CRYBG1: variants seen among roughly 807,000 people sequenced by gnomAD.
CRYBG1 encodes crystallin beta-gamma domain containing 1.
In CRYBG1, 139 loss-of-function variants were observed where a neutral mutation model predicts 189.2. The ratio of observed to expected loss-of-function variants is 0.73; its 90% confidence interval spans 0.64 to 0.85. CRYBG1 has a LOEUF of 0.85. CRYBG1 is among the 40% of genes least tolerant of loss of function. The pLI is 0.00. For missense variants in CRYBG1, 2,611 were observed against 2,675.8 expected (o/e 0.98, Z 0.53); for synonymous variants, 1,023 against 1,017.1 (o/e 1.01, Z -0.11).
At chr6:106,535,352 G>C (rs568261224) in intron 8 of CRYBG1, among the ~76,000 whole-genome samples, 18 of 152,266 alleles carry the variant, frequency 1.2e-4, no homozygotes, top group African/African-American at 4.1e-4. Flanking sequence ...ATACAGAAAA[G>C]TAGGAAGAAT....
chr6:106,568,136 C>T lies in CRYBG1; in HGVS notation c.6302-336C>T, dbSNP rs926964768. ...TCTCTTTACTCCTTTTCCCTTCTCT[C>T]GGGTTTTCCCAGTTCCCTTGAATTT... On this transcript the variant is annotated intron_variant, in intron 21 of 21. Transcript: ENST00000633556. Among the ~76,000 whole-genome samples the T allele has an allele frequency of 4.1e-5, 6 of 147,726 alleles. No homozygotes were observed. In the South Asian group the frequency reaches 8.5e-4, roughly 21 times the overall value.
intron 1 of CRYBG1, among the ~76,000 whole-genome samples, chr6:106,447,576 A>ATAT (rs1582767774): frequency 1.4e-5 from 2 of 145,648 alleles, no homozygotes; most frequent in East Asian, 2.0e-4. Flanking sequence ...ATATATATCT[A>ATAT]CTATGTACCC....
At chr6:106,422,338 T>TTATTTATTTATTTATTTATTTATG (rs998311743) in intron 1 of CRYBG1, among the ~76,000 whole-genome samples, 51 of 123,302 alleles carry the variant, frequency 4.1e-4, no homozygotes, top group African/African-American at 1.5e-3. Flanking sequence ...ATTTATTTAT[T>TTATTTATTTATTTATTTATTTATG]TATTTATTTT....
At chr6:106,458,117 T>C (rs949374360) in intron 2 of CRYBG1, among the ~76,000 whole-genome samples, 1 of 152,266 alleles carries the variant, frequency 6.6e-6, no homozygotes, top group African/African-American at 2.4e-5. Flanking sequence ...AGAAATTTTC[T>C]GAAGACGGAG....
intron 2 of CRYBG1, among the ~76,000 whole-genome samples, chr6:106,483,143 C>T (rs1772506432): frequency 6.6e-6 from 1 of 152,042 alleles, no homozygotes; most frequent in Non-Finnish European, 1.5e-5. Context: ...CATTCACCTC[C>T]AATCCTCCAA....
Position 106,553,383 on chromosome 6 carries a change from T to C in CRYBG1, c.5473-72T>C, listed in dbSNP as rs1774453648. 3.9e-6 allele frequency: 4 copies of C among 1,013,612 alleles called. No individual in the cohort carries two copies. The South Asian group carries it at 5.6e-5, about 14-fold the overall frequency. The allele number at this position is 1,013,612 out of a possible 1,614,324, so 62.8% of individuals were successfully genotyped here. ...AAGTCAGCAGGTCATGTTTAGGTCA[T>C]CATTTCAAAGGCTAAATTAGTTAAT... On this transcript the variant is annotated intron_variant, in intron 15 of 21. Transcript: ENST00000633556.
rs531369225 is a variant in CRYBG1 at position 106,415,290 on chromosome 6, T to A, written c.174-36404T>A. ...TGCATAGAAATAATAGTGGATTATG[T>A]AATTCTGTGTAAAAAGTGCCTTTAA... On this transcript the variant is annotated intron_variant, in intron 1 of 21. Transcript: ENST00000633556. Among the ~76,000 whole-genome samples, 3 of 152,368 alleles carry A rather than the reference T, an allele frequency of 2.0e-5. No homozygotes were observed. The East Asian group carries it at 5.8e-4, about 29-fold the overall frequency.
intron 2 of CRYBG1, among the ~76,000 whole-genome samples, chr6:106,495,706 C>G (rs1004607814): frequency 1.3e-5 from 2 of 151,430 alleles, no homozygotes; most frequent in African/African-American, 4.9e-5. Context: ...TAACAAGCTA[C>G]TCTCATTGAA....
At chr6:106,457,598 T>C (rs896727989) in intron 2 of CRYBG1, among the ~76,000 whole-genome samples, 4 of 152,220 alleles carry the variant, frequency 2.6e-5, no homozygotes, top group African/African-American at 9.7e-5. Context: ...GCACTTCTAT[T>C]GGGATGTCAT....
chr6:106,541,675 T>G (rs1157381073), intron 10 of CRYBG1, 54 bp downstream of exon 10: 2 of 1,177,672 alleles, frequency 1.7e-6, no homozygotes, highest in African/African-American at 3.1e-5. Context: ...TTTAAACATA[T>G]ACACATATAT....
chr6:106,540,696 T>G (rs995253089), intron 9 of CRYBG1, among the ~76,000 whole-genome samples: 1 of 152,140 alleles, frequency 6.6e-6, no homozygotes, highest in Non-Finnish European at 1.5e-5. Context: ...TTTCCTTTTT[T>G]TTTTTGCTTG....
In CRYBG1 at chr6:106,571,249, C is replaced by T. The variant is rs1775051300; in HGVS notation, c.*2683C>T. 6.6e-6 allele frequency: 1 copy of T among 152,168 alleles called. No individual in the cohort carries two copies. Among genetic ancestry groups the T allele is most frequent in the Non-Finnish European group, 1.5e-5 (1 of 68,032 alleles). The allele number at this position is 152,168 out of a possible 1,614,324, so 9.4% of individuals were successfully genotyped here. A position where few individuals can be genotyped will look rare whatever the true frequency, so the allele number is the denominator to read the frequency against. On this transcript the variant is annotated 3_prime_UTR_variant, in exon 22 of 22. Coordinates refer to ENST00000633556, the MANE Select transcript of CRYBG1 (RefSeq NM_001371242.2). ...ATATATGACACTAAGAGATTTAGAA[C>T]TTTAAGAGCTGTGGTGACCACATTA...
Position 106,541,571 on chromosome 6 carries a change from T to C in CRYBG1, c.4846-15T>C. On this transcript the variant is annotated splice_polypyrimidine_tract_variant and intron_variant, in intron 9 of 21. Transcript: ENST00000633556. ...CAGTGAAAAACTATTTTTCTTACTATGTTGTTTTTTTCAGGGTGGCCGTAA... is the reference window on the plus strand; with the variant it reads ...CAGTGAAAAACTATTTTTCTTACTACGTTGTTTTTTTCAGGGTGGCCGTAA... The C allele has an allele frequency of 6.2e-7, 1 of 1,610,424 alleles. No individual in the cohort carries two copies. The highest frequency in any genetic ancestry group is 8.5e-7 in the Non-Finnish European group (1 of 1,176,858).
intron 1 of CRYBG1, among the ~76,000 whole-genome samples, chr6:106,415,994 T>G (rs1388706303): frequency 1.3e-5 from 2 of 152,036 alleles, no homozygotes; most frequent in Non-Finnish European, 2.9e-5. Context: ...GGGAGCCCAA[T>G]CAAGAAAGCA....
At chr6:106,524,639 C>T (rs1239700807) in intron 4 of CRYBG1, among the ~76,000 whole-genome samples, 2 of 152,296 alleles carry the variant, frequency 1.3e-5, no homozygotes, top group East Asian at 1.9e-4. Flanking sequence ...ATAAACACTT[C>T]TATTTAGACT....
intron 2 of CRYBG1, among the ~76,000 whole-genome samples, chr6:106,490,903 A>T (rs1055576836): frequency 8.5e-5 from 13 of 152,198 alleles, no homozygotes; most frequent in African/African-American, 3.1e-4. Flanking sequence ...ACTTCAAAAA[A>T]ATGTGTCCTC....
Position 106,570,691 on chromosome 6 carries a change from GA to G in CRYBG1, c.*2129del, listed in dbSNP as rs1244013161. The G allele has an allele frequency of 2.0e-5, 3 of 152,178 alleles. No individual in the cohort carries two copies. Among genetic ancestry groups the G allele is most frequent in the Admixed American group, 2.0e-4 (3 of 15,274 alleles). 9.4% of individuals were successfully genotyped at this position (152,178 alleles called of 1,614,324 possible). On this transcript the variant is annotated 3_prime_UTR_variant, in exon 22 of 22. Transcript: ENST00000633556. ...CCACTACCACCTGGGAGCCCTCCAG[GA>G]AAAGAGCTGAGGCTGCTCCAGATGG... is the stretch of plus-strand genomic sequence containing the variant.
chr6:106,396,415 C>A (rs894491513), intron 1 of CRYBG1, among the ~76,000 whole-genome samples: 4 of 152,172 alleles, frequency 2.6e-5, no homozygotes, highest in African/African-American at 9.7e-5. Context: ...ATATGTATGA[C>A]TTCACCAACC....
intron 1 of CRYBG1, among the ~76,000 whole-genome samples, chr6:106,439,102 A>G (rs775902606): frequency 2.0e-5 from 3 of 151,894 alleles, no homozygotes; most frequent in Non-Finnish European, 2.9e-5. Flanking sequence ...AAGTGAGGAA[A>G]ACCTAAGATT....
Sources: allele counts gnomAD v4.1 joint callset (sites outside exome capture counted in the v4.1 genomes callset), GRCh38; gene constraint gnomAD v4.1.1; transcripts MANE v1.5; gene names NCBI Gene and HGNC (gene_info 2026-07-23, HGNC 2026-07-21).